Variants in EBF1 observed in about 807,000 individuals in gnomAD.
EBF1 encodes the protein transcription factor COE1.
Under a neutral mutation model 68.4 loss-of-function variants are expected in EBF1, and 10 were observed. That is an observed-to-expected ratio of 0.15 (90% CI 0.09 to 0.25). The LOEUF is 0.25. Among genes scored for constraint, EBF1 ranks in the 10% least tolerant of loss-of-function variants. The pLI is 1.00. For missense variants in EBF1, 509 were observed against 794.4 expected, an observed-to-expected ratio of 0.64 and a Z score of 4.32; for synonymous variants, 298 against 299.8, an observed-to-expected ratio of 0.99 and a Z score of 0.06.
rs541130625 is a variant in EBF1, at chr5:159,029,957, T to TAA, written c.554+43437_554+43438dup. Among the ~76,000 whole-genome samples the TAA allele has an allele frequency of 4.3e-3, 565 of 132,624 alleles. 1 individual carries two copies. Among genetic ancestry groups the TAA allele is most frequent in the African/African-American group, 0.014 (523 of 36,942 alleles). The allele number at this position is 132,624 out of a possible 152,430, so 87.0% of individuals were successfully genotyped here. On this transcript the variant is annotated intron_variant, in intron 6 of 15. Coordinates refer to ENST00000313708, the MANE Select transcript of EBF1 (RefSeq NM_024007.5). The stretch of plus-strand genomic sequence containing the variant: ...GGGCAACAAAGAGCAAAACTCCTTC[T>TAA]AAAAAAAAAAAAAACTATAAATATG...
At chr5:158,977,886 A>G (rs1269143597) in intron 6 of EBF1, among the ~76,000 whole-genome samples, 1 of 152,128 alleles carries the variant, frequency 6.6e-6, no homozygotes, top group African/African-American at 2.4e-5. Context: ...AGAGACATAC[A>G]CACACACAAA....
At chr5:158,975,434 G>A (rs1756541786) in intron 6 of EBF1, among the ~76,000 whole-genome samples, 1 of 152,200 alleles carries the variant, frequency 6.6e-6, no homozygotes, top group African/African-American at 2.4e-5. Context: ...CTAAAGTTGT[G>A]AATGCTGTGT....
intron 6 of EBF1, among the ~76,000 whole-genome samples, chr5:158,902,470 G>A (rs1803621487): frequency 1.3e-5 from 2 of 149,976 alleles, no homozygotes; most frequent in South Asian, 4.2e-4. Context: ...GTCCCAGGCT[G>A]CAATGCAGTT....
At chr5:158,840,198 C>A (rs1582428719) in intron 6 of EBF1, 88 bp from the exon 7 acceptor site, 1 of 918,572 alleles carries the variant, frequency 1.1e-6, no homozygotes, top group South Asian at 1.4e-5. Flanking sequence ...GTTGTGCATT[C>A]GATTCTCTTT....
Position 158,795,139 on chromosome 5 carries a change from A to T in EBF1, c.909+1206T>A, listed in dbSNP as rs147829080. 2.0e-5 allele frequency among the ~76,000 whole-genome samples: 3 copies of T among 152,336 alleles called. No individual in the cohort carries two copies. In the East Asian group the frequency reaches 5.8e-4, roughly 29 times the overall value. On this transcript the variant is annotated intron_variant, in intron 9 of 15. Transcript: ENST00000313708. ...AGAACAGCGTCTGTTCTGGAAAGACAAACATACCCAAGTATCACAGTCTTA... is the reference window on the plus strand; with the variant it reads ...AGAACAGCGTCTGTTCTGGAAAGACTAACATACCCAAGTATCACAGTCTTA...
At chr5:158,843,384 G>A (rs976782132) in intron 6 of EBF1, among the ~76,000 whole-genome samples, 1 of 152,194 alleles carries the variant, frequency 6.6e-6, no homozygotes, top group Non-Finnish European at 1.5e-5. Context: ...CAGAATCAAG[G>A]GAGCAGAGGA....
At chr5:159,003,090 C>G (rs1762881074) in intron 6 of EBF1, among the ~76,000 whole-genome samples, 1 of 152,158 alleles carries the variant, frequency 6.6e-6, no homozygotes, top group South Asian at 2.1e-4. Context: ...GCCCTTTTAT[C>G]AAGGGTTATT....
At chr5:158,791,365 T>G (rs571195831) in intron 9 of EBF1, among the ~76,000 whole-genome samples, 2 of 151,634 alleles carry the variant, frequency 1.3e-5, no homozygotes, top group South Asian at 4.2e-4. Context: ...AGCACTGATT[T>G]CAAAGAGGAT....
intron 6 of EBF1, among the ~76,000 whole-genome samples, chr5:158,859,339 C>A (rs972737753): frequency 6.6e-6 from 1 of 152,204 alleles, no homozygotes; most frequent in Non-Finnish European, 1.5e-5. Flanking sequence ...GACCCCCTAT[C>A]CTTCCAGGTC....
chr5:158,872,174 A>G (rs1562178898), intron 6 of EBF1, among the ~76,000 whole-genome samples: 1 of 151,842 alleles, frequency 6.6e-6, no homozygotes, highest in Non-Finnish European at 1.5e-5. Flanking sequence ...TATCTACCCA[A>G]GTAGAAAACT....
chr5:158,875,056 T>TACACACACAC lies in EBF1; in HGVS notation c.555-34956_555-34947dup, dbSNP rs3035121. Among the ~76,000 whole-genome samples, 833 of 147,392 alleles carry TACACACACAC rather than the reference T, an allele frequency of 5.7e-3. 12 individuals are homozygous for TACACACACAC. Among genetic ancestry groups the TACACACACAC allele is most frequent in the African/African-American group, 0.019 (773 of 39,904 alleles). The stretch of plus-strand genomic sequence containing the variant: ...ACACACACAAGCACACACACACACA[T>TACACACACAC]ACACACACACACACACACACACACA... On this transcript the variant is annotated intron_variant, in intron 6 of 15. Coordinates refer to ENST00000313708, the MANE Select transcript of EBF1 (RefSeq NM_024007.5).
chr5:159,096,686 C>A, intron 2 of EBF1: 2 of 604,310 alleles, frequency 3.3e-6, no homozygotes, highest in South Asian at 4.0e-5. Context: ...GCAGGCGGTG[C>A]GTAATCTGGT....
intron 9 of EBF1, among the ~76,000 whole-genome samples, chr5:158,786,057 A>C (rs983734710): frequency 1.3e-5 from 2 of 152,212 alleles, no homozygotes; most frequent in African/African-American, 4.8e-5. Context: ...CACCACTAAT[A>C]ATTAAGATAA....
chr5:159,074,260 C>T (rs550266711), intron 5 of EBF1, among the ~76,000 whole-genome samples: 1 of 152,328 alleles, frequency 6.6e-6, no homozygotes, highest in South Asian at 2.1e-4. Context: ...CCAGTTGTGG[C>T]TGCCAGTTTT....
chr5:158,714,444 C>G (rs1393499593), intron 11 of EBF1, among the ~76,000 whole-genome samples: 2 of 152,138 alleles, frequency 1.3e-5, no homozygotes, highest in Non-Finnish European at 2.9e-5. Flanking sequence ...TGATAAAGCA[C>G]TCATATGTTT....
chr5:158,777,592 C>T (rs1209577074), intron 9 of EBF1, 53 bp from the exon 10 acceptor site: 4 of 1,546,924 alleles, frequency 2.6e-6, no homozygotes, highest in Admixed American at 1.9e-5. Context: ...TAAAACTTCA[C>T]AGTCTTCCTA....
intron 11 of EBF1, among the ~76,000 whole-genome samples, chr5:158,724,502 A>G (rs1219073188): frequency 6.6e-6 from 1 of 152,226 alleles, no homozygotes; most frequent in Non-Finnish European, 1.5e-5. Context: ...GCAGGTTTTG[A>G]ATTACTGATA....
rs543912794 is a variant in EBF1, at chr5:158,759,418, T to G, written c.1036+17995A>C. On this transcript the variant is annotated intron_variant, in intron 10 of 15. Coordinates refer to ENST00000313708, the MANE Select transcript of EBF1 (RefSeq NM_024007.5). ...ATGACATGAATCAATGTTTTTGAAATTTCAGGAAGCTTGATCTACTGAGAA... is the reference window on the plus strand; with the variant it reads ...ATGACATGAATCAATGTTTTTGAAAGTTCAGGAAGCTTGATCTACTGAGAA... 1.5e-3 allele frequency among the ~76,000 whole-genome samples: 230 copies of G among 152,298 alleles called. 1 individual carries two copies. Among genetic ancestry groups the G allele is most frequent in the African/African-American group, 5.2e-3 (217 of 41,568 alleles).
At chr5:158,713,604 A>C (rs1759964728) in intron 12 of EBF1, among the ~76,000 whole-genome samples, 1 of 152,190 alleles carries the variant, frequency 6.6e-6, no homozygotes, top group Admixed American at 6.5e-5. Flanking sequence ...GACTACCTGC[A>C]TTACTGAGTA....
Sources: gnomAD v4.1 joint callset for allele counts (sites outside exome capture counted in the v4.1 genomes callset) on GRCh38, gnomAD v4.1.1 for gene constraint, MANE v1.5 for transcripts, NCBI Gene and HGNC (gene_info 2026-07-23, HGNC 2026-07-21) for gene names.